CTDSPL2: variants seen among roughly 807,000 people sequenced by gnomAD.
The protein encoded by CTDSPL2 is CTD small phosphatase like 2.
In CTDSPL2, 5 loss-of-function variants were observed where a neutral mutation model predicts 60.0. The ratio of observed to expected loss-of-function variants is 0.08; its 90% CI spans 0.04 to 0.18. The LOEUF is 0.18. Ranked by LOEUF, CTDSPL2 falls within the 10% of genes least tolerant of loss-of-function variation. The probability of loss-of-function intolerance (pLI) is 1.00; values close to 1 mark genes in which losing one functional copy is unlikely to be tolerated. For missense variants in CTDSPL2, 370 were observed against 548.8 expected, an observed-to-expected ratio of 0.67 and a Z score of 3.26; for synonymous variants, 186 against 189.3, an observed-to-expected ratio of 0.98 and a Z score of 0.14.
chr15:44,492,089 G>A (rs540835825), intron 5 of CTDSPL2, among the ~76,000 whole-genome samples: 2 of 151,880 alleles, frequency 1.3e-5, no homozygotes, highest in South Asian at 2.1e-4. Flanking sequence ...GGCTGGTCTC[G>A]AACTTCTGAC....
intron 6 of CTDSPL2, 78 bp downstream of exon 6, chr15:44,496,536 A>G (rs2081303213): frequency 7.3e-6 from 8 of 1,096,284 alleles, no homozygotes; most frequent in Non-Finnish European, 8.3e-6. Context: ...ATTGGTGGCT[A>G]AATAGTATAT....
intron 2 of CTDSPL2, among the ~76,000 whole-genome samples, chr15:44,462,203 C>G (rs1195090629): frequency 1.3e-5 from 2 of 152,186 alleles, no homozygotes; most frequent in South Asian, 4.1e-4. Flanking sequence ...CTGGACCTCT[C>G]AAAGTGTGAG....
chr15:44,460,805 T>C (rs1278502372), intron 2 of CTDSPL2, among the ~76,000 whole-genome samples: 3 of 152,210 alleles, frequency 2.0e-5, no homozygotes, highest in Admixed American at 1.3e-4. Flanking sequence ...TGAGAAAATA[T>C]TCTAATGTTA....
At chr15:44,476,138 G>A (rs1159011439) in intron 2 of CTDSPL2, among the ~76,000 whole-genome samples, 1 of 152,050 alleles carries the variant, frequency 6.6e-6, no homozygotes, top group South Asian at 2.1e-4. Flanking sequence ...GCACGATCTC[G>A]GCTCACTGCC....
intron 2 of CTDSPL2, among the ~76,000 whole-genome samples, chr15:44,476,225 C>T (rs112759054): frequency 5.9e-5 from 9 of 152,152 alleles, no homozygotes; most frequent in African/African-American, 1.4e-4. Flanking sequence ...CCCACCACCA[C>T]GCTGGCTAAT....
At chr15:44,501,154 T>G (rs1228127603) in intron 8 of CTDSPL2, among the ~76,000 whole-genome samples, 1 of 152,116 alleles carries the variant, frequency 6.6e-6, no homozygotes, top group Non-Finnish European at 1.5e-5. Flanking sequence ...TCGATAACCT[T>G]GTTGGGGTTT....
At chr15:44,504,984 T>G (rs1451471624) in intron 8 of CTDSPL2, among the ~76,000 whole-genome samples, 1 of 152,132 alleles carries the variant, frequency 6.6e-6, no homozygotes, top group Non-Finnish European at 1.5e-5. Context: ...TGGTACTAAT[T>G]TTTTCATCAT....
chr15:44,494,185 C>T (rs2081261038), intron 5 of CTDSPL2, among the ~76,000 whole-genome samples: 1 of 152,104 alleles, frequency 6.6e-6, no homozygotes, highest in Non-Finnish European at 1.5e-5. Context: ...TTGGAAAATT[C>T]CCAGCATAAT....
intron 1 of CTDSPL2, among the ~76,000 whole-genome samples, chr15:44,456,786 T>C (rs965592617): frequency 2.0e-5 from 3 of 149,286 alleles, no homozygotes; most frequent in African/African-American, 7.4e-5. Context: ...TTCTGCTAGC[T>C]TTTGAATTTG....
At chr15:44,515,606 C>T (rs549088673) in intron 10 of CTDSPL2, among the ~76,000 whole-genome samples, 84 of 152,270 alleles carry the variant, frequency 5.5e-4, no homozygotes, top group Non-Finnish European at 1.1e-3. Flanking sequence ...CGCGGTGGCT[C>T]ACGCCTGTAA....
In CTDSPL2 at chr15:44,496,513, G is replaced by A. The variant is rs1011267131; in HGVS notation, c.770+55G>A. The A allele has an allele frequency of 7.6e-6, 10 of 1,308,256 alleles. No homozygotes were observed. In the African/African-American group the frequency reaches 1.0e-4, roughly 13 times the overall value. The allele number at this position is 1,308,256 out of a possible 1,614,324, so 81.0% of individuals were successfully genotyped here. ...CCTTTTTGGAGCATGATGAGAGTAC[G>A]TTATATATGTGGATTGGTGGCTAAA... On this transcript the variant is annotated intron_variant, in intron 6 of 12. Transcript: ENST00000260327.
intron 1 of CTDSPL2, among the ~76,000 whole-genome samples, chr15:44,436,585 CA>C (rs2079986530): frequency 6.6e-6 from 1 of 152,222 alleles, no homozygotes; most frequent in African/African-American, 2.4e-5. Context: ...CAGTGTCTCA[CA>C]GCTAACTAAT....
intron 8 of CTDSPL2, among the ~76,000 whole-genome samples, chr15:44,506,100 G>C (rs1376766530): frequency 6.8e-6 from 1 of 146,828 alleles, no homozygotes; most frequent in East Asian, 2.0e-4. Context: ...CGCTATCTTG[G>C]CTCACCACAA....
At chr15:44,475,252 T>A (rs970912849) in intron 2 of CTDSPL2, among the ~76,000 whole-genome samples, 1 of 152,184 alleles carries the variant, frequency 6.6e-6, no homozygotes, top group East Asian at 1.9e-4. Context: ...TTACTGACTT[T>A]TTATCTAGCA....
At chr15:44,504,987 TTCA>T (rs2081436294) in intron 8 of CTDSPL2, among the ~76,000 whole-genome samples, 1 of 152,196 alleles carries the variant, frequency 6.6e-6, no homozygotes, top group Non-Finnish European at 1.5e-5. Context: ...TACTAATTTT[TTCA>T]TCATAATTAT....
chr15:44,521,446 C>T lies in CTDSPL2; in HGVS notation c.1335+40C>T, dbSNP rs763082906. On this transcript the variant is annotated intron_variant, in intron 12 of 12. Transcript: ENST00000260327. ...TCTTTTTCTGTTGTGTTTTTGTTAG[C>T]TCAACTATATTGAAATAAATATTTT... The T allele has an allele frequency of 3.1e-5, 32 of 1,034,578 alleles. No individual in the cohort carries two copies. In the East Asian group the frequency reaches 7.1e-4, roughly 23 times the overall value. 64.1% of individuals were successfully genotyped at this position (1,034,578 alleles called of 1,614,324 possible).
intron 1 of CTDSPL2, among the ~76,000 whole-genome samples, chr15:44,450,777 G>A (rs1003682144): frequency 1.3e-5 from 2 of 151,294 alleles, no homozygotes; most frequent in Non-Finnish European, 1.5e-5. Flanking sequence ...TGTATTTTTT[G>A]TAGAGAAGGG....
chr15:44,447,481 A>G (rs1359218247), intron 1 of CTDSPL2: 1 of 152,374 alleles, frequency 6.6e-6, no homozygotes, highest in East Asian at 1.9e-4. Flanking sequence ...ATCAAAAAGC[A>G]ACAGAATTTT....
At chr15:44,492,088 C>G (rs530680604) in intron 5 of CTDSPL2, among the ~76,000 whole-genome samples, 4 of 151,964 alleles carry the variant, frequency 2.6e-5, no homozygotes, top group Non-Finnish European at 5.9e-5. Context: ...AGGCTGGTCT[C>G]GAACTTCTGA....
Sources: gnomAD v4.1 joint callset for allele counts (sites outside exome capture counted in the v4.1 genomes callset) on GRCh38, gnomAD v4.1.1 for gene constraint, MANE v1.5 for transcripts, NCBI Gene and HGNC (gene_info 2026-07-23, HGNC 2026-07-21) for gene names.